The following CYB5D2 variants were observed in gnomAD, a reference collection of about 807,000 sequenced individuals.
CYB5D2 encodes cytochrome b5 domain containing 2.
A neutral mutation model predicts 22.8 loss-of-function variants in CYB5D2; 23 were observed. That is an observed-to-expected ratio of 1.01 (90% CI 0.73 to 1.43). The LOEUF is 1.43. Ranked by LOEUF, CYB5D2 falls within the 40% of genes most tolerant of loss-of-function variation. The pLI is 0.00. For synonymous variants in CYB5D2, 170 were observed against 152.2 expected, an observed-to-expected ratio of 1.12 and a Z score of -0.86; for missense variants, 373 against 357.2, an observed-to-expected ratio of 1.04 and a Z score of -0.36.
Position 4,154,711 on chromosome 17 carries a change from G to T in CYB5D2, c.429G>T (p.Leu143=). ...GACGGTTCTACGGAGAGGATGGGCT[G>T]CCCACCCCGGCACTGACCCAGGTAG... ...VTGRFYGEDG[L]PTPALTQVEA... The change falls in exon 3 of 4, where the codon CTG becomes CTT. Residue 143 remains leucine (L), a synonymous_variant. Transcript: ENST00000301391. 1 of 1,614,156 alleles carries T rather than the reference G, an allele frequency of 6.2e-7. No homozygotes were observed. Among genetic ancestry groups the T allele is most frequent in the Non-Finnish European group, 8.5e-7 (1 of 1,180,018 alleles).
chr17:4,148,824 T>C (rs4790174), intron 1 of CYB5D2, among the ~76,000 whole-genome samples: 144,241 of 152,202 alleles, frequency 0.95, 68,855 homozygotes, highest in East Asian at 1. Flanking sequence ...TTCCGTCTCA[T>C]GCACAAAAAA....
Position 4,143,591 on chromosome 17 carries a change from A to G in CYB5D2, c.-165A>G. On this transcript the variant is annotated 5_prime_UTR_variant, in exon 1 of 4. Transcript: ENST00000301391. ...CAGCGAGCTTTTCGCCAGTGCCAGG[A>G]ATACAGATAAAACGAGAGAGACTAA... The G allele has an allele frequency of 1.0e-6, 1 of 982,576 alleles. No individual in the cohort carries two copies. Among genetic ancestry groups the G allele is most frequent in the African/African-American group, 1.7e-5 (1 of 60,170 alleles). 60.9% of individuals were successfully genotyped at this position (982,576 alleles called of 1,614,324 possible).
Position 4,144,006 on chromosome 17 carries a change from G to GT in CYB5D2, c.250+2dup, listed in dbSNP as rs1467536098. 6.3e-7 allele frequency: 1 copy of GT among 1,594,312 alleles called. No individual in the cohort carries two copies. Among genetic ancestry groups the GT allele is most frequent in the African/African-American group, 1.3e-5 (1 of 74,270 alleles). ...GGGTCCCACTATAGCGGCTTCGCAG[G>GT]TATCAGCGAGGCTGCTCACGCCTTT... On this transcript the variant is annotated splice_donor_variant, in intron 1 of 3. Transcript: ENST00000301391. LOFTEE classifies it high-confidence loss of function.
At chr17:4,150,115 G>A in intron 2 of CYB5D2, 84 bp downstream of exon 2, 1 of 1,522,894 alleles carries the variant, frequency 6.6e-7, no homozygotes, top group Non-Finnish European at 9.0e-7. Context: ...TTGGGTTCAA[G>A]CTTAAAATCT....
chr17:4,149,557 C>T (rs1397714270), intron 1 of CYB5D2, among the ~76,000 whole-genome samples: 1 of 152,222 alleles, frequency 6.6e-6, no homozygotes, highest in Non-Finnish European at 1.5e-5. Context: ...ATAATCCCAG[C>T]ACTTTGGGAG....
intron 1 of CYB5D2, among the ~76,000 whole-genome samples, chr17:4,149,667 C>T (rs184347707): frequency 2.6e-5 from 4 of 152,082 alleles, no homozygotes; most frequent in Admixed American, 2.0e-4. Flanking sequence ...GGCGTGGTGG[C>T]GGGCGCCTGT....
chr17:4,149,109 T>C (rs1035248561), intron 1 of CYB5D2, among the ~76,000 whole-genome samples: 2 of 152,172 alleles, frequency 1.3e-5, no homozygotes, highest in South Asian at 4.1e-4. Flanking sequence ...GCCCAGCCAG[T>C]GTGAACATTT....
At chr17:4,151,880 C>T (rs2142994426) in intron 2 of CYB5D2, among the ~76,000 whole-genome samples, 1 of 151,942 alleles carries the variant, frequency 6.6e-6, no homozygotes, top group South Asian at 2.1e-4. Context: ...GTGGGACACA[C>T]CTGTAATCCC....
intron 1 of CYB5D2, among the ~76,000 whole-genome samples, chr17:4,149,206 G>C (rs9897746): frequency 0.029 from 4,391 of 152,264 alleles, 230 homozygotes; most frequent in African/African-American, 0.099. Context: ...AGATACAGAT[G>C]TGGCTATCTT....
intron 1 of CYB5D2, among the ~76,000 whole-genome samples, chr17:4,147,748 G>A (rs1467093039): frequency 6.6e-6 from 1 of 152,202 alleles, no homozygotes; most frequent in Non-Finnish European, 1.5e-5. Context: ...AGCTACTCAG[G>A]AGACTGAGGC....
In CYB5D2 at chr17:4,147,367, A is replaced by G. The variant is rs547219817; in HGVS notation, c.251-2524A>G. ...CCAGACACTGGGGAATCCATAGTAA[A>G]TGAGTTTGGTGTGTTGTCTTACCTG... On this transcript the variant is annotated intron_variant, in intron 1 of 3. Transcript: ENST00000301391. Among the ~76,000 whole-genome samples, 3 of 152,380 alleles carry G rather than the reference A, an allele frequency of 2.0e-5. No individual in the cohort carries two copies. The South Asian group carries it at 6.2e-4, about 32-fold the overall frequency.
intron 1 of CYB5D2, 126 bp downstream of exon 1, chr17:4,144,131 T>A: frequency 1.5e-6 from 2 of 1,349,330 alleles, no homozygotes; most frequent in Non-Finnish European, 9.9e-7. Context: ...ATCAAACCCG[T>A]GCGGTGGGCG....
intron 2 of CYB5D2, among the ~76,000 whole-genome samples, chr17:4,153,201 C>T (rs2059076594): frequency 6.6e-6 from 1 of 152,176 alleles, no homozygotes; most frequent in African/African-American, 2.4e-5. Context: ...GGAGCTTTGG[C>T]TCCTTTAGAG....
chr17:4,151,656 C>T (rs1320127754), intron 2 of CYB5D2, among the ~76,000 whole-genome samples: 1 of 151,672 alleles, frequency 6.6e-6, no homozygotes, highest in Non-Finnish European at 1.5e-5. Flanking sequence ...CACTACACTC[C>T]AGCCTGGGTG....
chr17:4,145,011 C>A (rs941774602), intron 1 of CYB5D2, among the ~76,000 whole-genome samples: 1 of 152,144 alleles, frequency 6.6e-6, no homozygotes, highest in Non-Finnish European at 1.5e-5. Flanking sequence ...TGGTCTCGAT[C>A]TCCTGACCTT....
chr17:4,156,257 C>T (rs1161461788), intron 3 of CYB5D2, among the ~76,000 whole-genome samples: 1 of 152,256 alleles, frequency 6.6e-6, no homozygotes, highest in Admixed American at 6.5e-5. Flanking sequence ...TAGGAGGGTG[C>T]TCAGGTTGTT....
chr17:4,154,874 CCTT>C lies in CYB5D2; in HGVS notation c.578+20_578+22del, dbSNP rs35192958. The C allele has an allele frequency of 0.17, 275,379 of 1,603,940 alleles. 24,381 individuals are homozygous for C. The highest frequency in any genetic ancestry group is 0.22 in the East Asian group (9,815 of 44,668). ...CTCCCAGAAGAGGTAAGCAGGCTCC[CCTT>C]CTTCTCCTTTCTGCCTGTCCCAAAT... is the stretch of plus-strand genomic sequence containing the variant. On this transcript the variant is annotated intron_variant, in intron 3 of 3. Coordinates refer to ENST00000301391, the MANE Select transcript of CYB5D2 (RefSeq NM_144611.4).
chr17:4,143,842 G>T lies in CYB5D2; in HGVS notation c.87G>T (p.Trp29Cys). 2 of 1,614,116 alleles carry T rather than the reference G, an allele frequency of 1.2e-6. No homozygotes were observed. The highest frequency in any genetic ancestry group is 1.7e-6 in the Non-Finnish European group (2 of 1,180,000). ...TGGCAGCACGGCTTATGGGCTGGTG[G>T]GGTCCCCGCGCTGGCTTTCGCCTTT... Reference protein sequence around the residue: ...AVMAARLMGWWGPRAGFRLFI... With the variant: ...AVMAARLMGWCGPRAGFRLFI... Residue 29 changes from tryptophan (W) to cysteine (C), a missense_variant, in exon 1 of 4, where the codon TGG (tryptophan) becomes TGT (cysteine). By Grantham distance (215) the Trp-to-Cys change is radical. Coordinates refer to ENST00000301391, the MANE Select transcript of CYB5D2 (RefSeq NM_144611.4).
At position 4,150,484 on chromosome 17, in the gene CYB5D2, T is replaced by TTA. The variant is rs554288088; in HGVS notation, c.391+453_391+454insTA. On this transcript the variant is annotated intron_variant, in intron 2 of 3. Coordinates refer to ENST00000301391, the MANE Select transcript of CYB5D2 (RefSeq NM_144611.4). ...GTCTCCCAGGTGGTAGTTATGCTAA[T>TTA]CAAACCACTGTGTAGGTTACTGCAC... 4.9e-3 allele frequency among the ~76,000 whole-genome samples: 748 copies of TTA among 152,328 alleles called. 4 individuals carry two copies. The highest frequency in any genetic ancestry group is 0.018 in the African/African-American group (728 of 41,568).
Sources: allele counts gnomAD v4.1 joint callset (sites outside exome capture counted in the v4.1 genomes callset), GRCh38; gene constraint gnomAD v4.1.1; transcripts MANE v1.5; gene names NCBI Gene and HGNC (gene_info 2026-07-23, HGNC 2026-07-21).